TXNRD1: variants seen among roughly 807,000 people sequenced by gnomAD.
TXNRD1 encodes thioredoxin reductase 1.
Under a neutral mutation model 80.3 loss-of-function variants are expected in TXNRD1, and 57 were observed. The ratio of observed to expected loss-of-function variants is 0.71; its 90% CI spans 0.57 to 0.89. TXNRD1 has a LOEUF of 0.89. Among genes scored for constraint, TXNRD1 ranks in the 40% least tolerant of loss-of-function variants. The probability of loss-of-function intolerance (pLI) is 0.00; values close to 1 mark genes in which losing one functional copy is unlikely to be tolerated. For missense variants in TXNRD1, 730 were observed against 803.0 expected, an observed-to-expected ratio of 0.91 and a Z score of 1.10; for synonymous variants, 291 against 285.2, an observed-to-expected ratio of 1.02 and a Z score of -0.20.
chr12:104,325,526 A>C (rs918960339), intron 11 of TXNRD1, 97 bp downstream of exon 11: 1 of 868,072 alleles, frequency 1.2e-6, no homozygotes, highest in Non-Finnish European at 1.9e-6. Context: ...GTGATTTCCA[A>C]ATGTACTGGT....
At chr12:104,245,648 CAAAAAAAA>C (rs149083903) in intron 1 of TXNRD1, among the ~76,000 whole-genome samples, 1 of 108,898 alleles carries the variant, frequency 9.2e-6, no homozygotes. Flanking sequence ...GACCCTGTCT[CAAAAAAAA>C]AAAAAAAAAA....
chr12:104,251,800 T>C, intron 2 of TXNRD1, 122 bp downstream of exon 2: 1 of 1,109,888 alleles, frequency 9.0e-7, no homozygotes, highest in Non-Finnish European at 1.3e-6. Context: ...GCGCGGTGGC[T>C]CACACCTGTA....
Position 104,266,516 on chromosome 12 carries a change from AT to A in TXNRD1, c.304+8439del, listed in dbSNP as rs1327244172. On this transcript the variant is annotated intron_variant, in intron 3 of 16. Transcript: ENST00000525566. ...ACTCCAGTCTGGTGACAGAGCGAGA[AT>A]TCATCTCAAAAAAAAAAAAAAAAAA... Among the ~76,000 whole-genome samples, 5 of 95,976 alleles carry A rather than the reference AT, an allele frequency of 5.2e-5. No individual in the cohort carries two copies. In the Admixed American group the frequency reaches 6.3e-4, roughly 12 times the overall value. The allele number at this position is 95,976 out of a possible 152,430, so 63.0% of individuals were successfully genotyped here.
In TXNRD1 at chr12:104,331,580, A is replaced by G. The variant is rs1414437274; in HGVS notation, c.1589A>G (p.Tyr530Cys). The change falls in exon 14 of 17, where the codon TAT (tyrosine) becomes TGT (cysteine). Residue 530 changes from tyrosine to cysteine, a missense_variant. Tyr to Cys is a radical substitution (Grantham distance 194). Coordinates refer to ENST00000525566, the MANE Select transcript of TXNRD1 (RefSeq NM_001093771.3). The stretch of plus-strand genomic sequence containing the variant: ...ACCACTGTATTTACTCCTTTGGAAT[A>G]TGGTGCTTGTGGCCTTTCTGAGGAG... ...VPTTVFTPLEYGACGLSEEKA... is the reference protein window; with the variant it reads ...VPTTVFTPLECGACGLSEEKA... The G allele has an allele frequency of 1.9e-6, 3 of 1,612,618 alleles. No individual in the cohort carries two copies. Among genetic ancestry groups the G allele is most frequent in the South Asian group, 1.1e-5 (1 of 90,830 alleles).
At chr12:104,267,816 TTCCC>T (rs1490229621) in intron 3 of TXNRD1, among the ~76,000 whole-genome samples, 2 of 138,064 alleles carry the variant, frequency 1.4e-5, no homozygotes, top group African/African-American at 5.2e-5. Context: ...CCTTCCTTCC[TTCCC>T]TCCCTCCCTC....
At chr12:104,338,510 C>A (rs1164849037) in intron 15 of TXNRD1, among the ~76,000 whole-genome samples, 1 of 151,332 alleles carries the variant, frequency 6.6e-6, no homozygotes, top group Admixed American at 6.6e-5. Flanking sequence ...GCCTGGCCAA[C>A]ATGGCGAAAC....
intron 16 of TXNRD1, among the ~76,000 whole-genome samples, chr12:104,346,439 TCTC>T (rs2036494153): frequency 6.6e-6 from 1 of 152,176 alleles, no homozygotes; most frequent in African/African-American, 2.4e-5. Context: ...TGTATCCACA[TCTC>T]CTACAAGTTC....
intron 1 of TXNRD1, among the ~76,000 whole-genome samples, chr12:104,235,208 T>C (rs1433551391): frequency 6.6e-6 from 1 of 152,238 alleles, no homozygotes; most frequent in African/African-American, 2.4e-5. Flanking sequence ...TCCTTGCTAC[T>C]GTGTCCGATC....
intron 2 of TXNRD1, among the ~76,000 whole-genome samples, chr12:104,254,855 A>G (rs1447845157): frequency 6.6e-6 from 1 of 151,694 alleles, no homozygotes; most frequent in Non-Finnish European, 1.5e-5. Context: ...CTGTAATCCC[A>G]GCACTTTGGG....
intron 1 of TXNRD1, among the ~76,000 whole-genome samples, chr12:104,217,540 C>T (rs2032244990): frequency 6.6e-6 from 1 of 152,080 alleles, no homozygotes; most frequent in Admixed American, 6.5e-5. Context: ...GAACTCCTGA[C>T]CTCAGGTGAT....
chr12:104,254,871 G>A (rs976913580), intron 2 of TXNRD1, among the ~76,000 whole-genome samples: 3 of 151,536 alleles, frequency 2.0e-5, no homozygotes, highest in African/African-American at 7.3e-5. Context: ...TTGGGAGGCT[G>A]AGACAGGCAG....
intron 1 of TXNRD1, among the ~76,000 whole-genome samples, chr12:104,248,208 AT>A (rs1218738712): frequency 6.6e-6 from 1 of 152,212 alleles, no homozygotes; most frequent in African/African-American, 2.4e-5. Context: ...ACCAGTGAAC[AT>A]TTAAAGTATA....
At chr12:104,298,217 T>G (rs895043254) in intron 4 of TXNRD1, among the ~76,000 whole-genome samples, 4 of 152,184 alleles carry the variant, frequency 2.6e-5, no homozygotes, top group Non-Finnish European at 5.9e-5. Context: ...AAAATGCACA[T>G]AAATAATTTT....
At chr12:104,265,908 A>AG in intron 3 of TXNRD1, 1 of 930,718 alleles carries the variant, frequency 1.1e-6, no homozygotes, top group Non-Finnish European at 1.6e-6. Context: ...AAAAAAAAAA[A>AG]AAAAGTGATC....
Position 104,348,258 on chromosome 12 carries a change from A to C in TXNRD1, c.1882-95A>C, listed in dbSNP as rs1324009544. 5.6e-6 allele frequency: 6 copies of C among 1,079,076 alleles called. No homozygotes were observed. The African/African-American group carries it at 9.3e-5, about 17-fold the overall frequency. The allele number at this position is 1,079,076 out of a possible 1,614,324, so 66.8% of individuals were successfully genotyped here. On this transcript the variant is annotated intron_variant, in intron 16 of 16. Transcript: ENST00000525566. Reference sequence around the variant, plus strand: ...TTTTATTCATTTTGGTAGTCGCCTAAGATGGTTTTAATGCATATGGCATTA... The same window carrying C: ...TTTTATTCATTTTGGTAGTCGCCTACGATGGTTTTAATGCATATGGCATTA...
At chr12:104,222,331 G>T (rs755155562) in intron 1 of TXNRD1, among the ~76,000 whole-genome samples, 2 of 152,040 alleles carry the variant, frequency 1.3e-5, no homozygotes, top group African/African-American at 4.8e-5. Flanking sequence ...GTAAATGACC[G>T]CTGTCAAAGT....
At chr12:104,215,982 C>T (rs1244682602) in intron 1 of TXNRD1, 89 bp downstream of exon 1, 1 of 1,177,472 alleles carries the variant, frequency 8.5e-7, no homozygotes, top group Non-Finnish European at 1.2e-6. Flanking sequence ...CCCCGGAGCC[C>T]TGGCCTTGAA....
intron 4 of TXNRD1, among the ~76,000 whole-genome samples, chr12:104,296,389 C>G (rs1241609350): frequency 3.3e-5 from 5 of 152,118 alleles, no homozygotes; most frequent in Non-Finnish European, 7.3e-5. Context: ...AAAAAATATA[C>G]ATTTTAATAT....
At chr12:104,269,493 G>T (rs117114187) in intron 3 of TXNRD1, among the ~76,000 whole-genome samples, 1 of 148,352 alleles carries the variant, frequency 6.7e-6, no homozygotes, top group Non-Finnish European at 1.5e-5. Flanking sequence ...TCAACCTCCC[G>T]GGCTCAAGTG....
Sources: allele counts gnomAD v4.1 joint callset (sites outside exome capture counted in the v4.1 genomes callset), GRCh38; gene constraint gnomAD v4.1.1; transcripts MANE v1.5; gene names NCBI Gene and HGNC (gene_info 2026-07-23, HGNC 2026-07-21).